SLC25A26: variants seen among roughly 807,000 people sequenced by gnomAD.
The protein encoded by SLC25A26 is solute carrier family 25 member 26.
Under a neutral mutation model 37.8 loss-of-function variants are expected in SLC25A26, and 36 were observed. The observed-to-expected ratio is 0.95, with a 90% CI of 0.73 to 1.26. SLC25A26 has a LOEUF of 1.26. Ranked by LOEUF, SLC25A26 falls within the 50% of genes most tolerant of loss-of-function variation. The probability of loss-of-function intolerance (pLI) is 0.00; values close to 1 mark genes in which losing one functional copy is unlikely to be tolerated. For missense variants in SLC25A26, 390 were observed against 331.1 expected, an observed-to-expected ratio of 1.18 and a Z score of -1.38; for synonymous variants, 129 against 122.5, an observed-to-expected ratio of 1.05 and a Z score of -0.35.
At chr3:66,253,969 A>T (rs929766808) in intron 3 of SLC25A26, among the ~76,000 whole-genome samples, 9 of 152,216 alleles carry the variant, frequency 5.9e-5, no homozygotes, top group South Asian at 2.1e-4. Flanking sequence ...AAGTGTTGAT[A>T]GAGTTATTTT....
chr3:66,290,080 A>G (rs988849323), intron 5 of SLC25A26, among the ~76,000 whole-genome samples: 3 of 152,136 alleles, frequency 2.0e-5, no homozygotes, highest in African/African-American at 4.8e-5. Flanking sequence ...CTTTATAGCA[A>G]TTGTGAATGG....
At position 66,230,573 on chromosome 3, in the gene SLC25A26, G is replaced by A. The variant is rs566187307; in HGVS notation, c.34-5971G>A. Among the ~76,000 whole-genome samples, 3 of 152,110 alleles carry A rather than the reference G, an allele frequency of 2.0e-5. No individual in the cohort carries two copies. The South Asian group carries it at 6.2e-4, about 32-fold the overall frequency. ...AATCCCAGCACTTTGGGAGGCTGAG[G>A]TGGGCGGATCACCTGAGGTTTGGAG... On this transcript the variant is annotated intron_variant, in intron 1 of 9. Transcript: ENST00000354883.
chr3:66,291,519 G>T (rs902069417), intron 5 of SLC25A26, among the ~76,000 whole-genome samples: 6 of 152,152 alleles, frequency 3.9e-5, no homozygotes, highest in Non-Finnish European at 7.3e-5. Flanking sequence ...GCTTTCATCA[G>T]TTTCAAAGAA....
intron 3 of SLC25A26, among the ~76,000 whole-genome samples, chr3:66,250,725 G>A (rs2073050647): frequency 6.6e-6 from 1 of 152,114 alleles, no homozygotes; most frequent in Non-Finnish European, 1.5e-5. Flanking sequence ...AGAGACTGAA[G>A]GGAAGGAGGG....
chr3:66,370,041 A>T (rs1700262681), intron 8 of SLC25A26, among the ~76,000 whole-genome samples: 1 of 152,258 alleles, frequency 6.6e-6, no homozygotes, highest in Non-Finnish European at 1.5e-5. Flanking sequence ...AAAACAAAAA[A>T]GTCCTATCTT....
At chr3:66,168,647 A>G (rs998573660) in intron 1 of SLC25A26, among the ~76,000 whole-genome samples, 2 of 152,116 alleles carry the variant, frequency 1.3e-5, no homozygotes, top group Admixed American at 1.3e-4. Flanking sequence ...TAATTTAGAG[A>G]TGTTGAAGAT....
chr3:66,290,590 G>C (rs1024473979), intron 5 of SLC25A26, among the ~76,000 whole-genome samples: 11 of 152,126 alleles, frequency 7.2e-5, no homozygotes, highest in African/African-American at 2.7e-4. Flanking sequence ...TTTTTGTCAT[G>C]GTTCTGTTTA....
intron 1 of SLC25A26, among the ~76,000 whole-genome samples, chr3:66,163,670 G>T (rs1475013519): frequency 2.0e-5 from 3 of 152,162 alleles, no homozygotes; most frequent in African/African-American, 7.2e-5. Flanking sequence ...GATTGCTACA[G>T]TGCCCGCCTC....
chr3:66,278,302 CT>C (rs2074224129), intron 5 of SLC25A26, among the ~76,000 whole-genome samples: 2 of 151,998 alleles, frequency 1.3e-5, no homozygotes, highest in African/African-American at 4.8e-5. Flanking sequence ...AATTTAATTT[CT>C]TTTATTGTTA....
intron 6 of SLC25A26, among the ~76,000 whole-genome samples, chr3:66,354,413 C>G (rs941725145): frequency 2.0e-5 from 3 of 152,188 alleles, no homozygotes; most frequent in African/African-American, 2.4e-5. Context: ...TCATAGAAAT[C>G]AGGGACCAAT....
At chr3:66,241,008 A>G (rs1214478192) in intron 2 of SLC25A26, among the ~76,000 whole-genome samples, 2 of 152,056 alleles carry the variant, frequency 1.3e-5, no homozygotes, top group Non-Finnish European at 2.9e-5. Context: ...CGTCCTCCCA[A>G]AGTGCTGGGA....
chr3:66,312,381 G>T (rs1460488085), intron 5 of SLC25A26, among the ~76,000 whole-genome samples: 1 of 152,194 alleles, frequency 6.6e-6, no homozygotes, highest in Admixed American at 6.5e-5. Context: ...TTTGCTGGCA[G>T]CAAGAATTTC....
chr3:66,266,597 T>TTTTTTTA (rs57414222), intron 5 of SLC25A26, among the ~76,000 whole-genome samples: 6 of 148,684 alleles, frequency 4.0e-5, no homozygotes, highest in Admixed American at 2.0e-4. Flanking sequence ...TTTTTTTTTT[T>TTTTTTTA]ACTGCATTTG....
intron 1 of SLC25A26, among the ~76,000 whole-genome samples, chr3:66,227,112 C>A (rs1576662420): frequency 6.6e-6 from 1 of 152,140 alleles, no homozygotes; most frequent in African/African-American, 2.4e-5. Flanking sequence ...TTTGTGCTTT[C>A]AATGTTGTGA....
intron 6 of SLC25A26, among the ~76,000 whole-genome samples, chr3:66,351,254 C>G (rs1176615169): frequency 3.3e-5 from 5 of 152,118 alleles, no homozygotes; most frequent in Admixed American, 2.6e-4. Context: ...TGTTACTGTG[C>G]TACATCATTT....
chr3:66,348,713 A>G (rs537842908), intron 6 of SLC25A26, among the ~76,000 whole-genome samples: 100 of 152,364 alleles, frequency 6.6e-4, no homozygotes, highest in African/African-American at 2.2e-3. Context: ...AGTATCAAGA[A>G]GTATTTCTTA....
At chr3:66,172,678 G>A (rs575466921) in intron 1 of SLC25A26, among the ~76,000 whole-genome samples, 1 of 152,230 alleles carries the variant, frequency 6.6e-6, no homozygotes, top group African/African-American at 2.4e-5. Context: ...GAAGCTGTGA[G>A]GGATAATCTG....
chr3:66,226,912 T>C (rs1256723826), intron 1 of SLC25A26, among the ~76,000 whole-genome samples: 1 of 152,152 alleles, frequency 6.6e-6, no homozygotes, highest in Non-Finnish European at 1.5e-5. Context: ...AAAGCTGATG[T>C]TTATTTAGTA....
intron 5 of SLC25A26, among the ~76,000 whole-genome samples, chr3:66,302,755 G>GAA (rs1376870117): frequency 6.6e-6 from 1 of 152,196 alleles, no homozygotes; most frequent in Non-Finnish European, 1.5e-5. Context: ...ACAACTTGGT[G>GAA]AAAAGGTTAG....
Sources: gnomAD v4.1 joint callset for allele counts (sites outside exome capture counted in the v4.1 genomes callset) on GRCh38, gnomAD v4.1.1 for gene constraint, MANE v1.5 for transcripts, NCBI Gene and HGNC (gene_info 2026-07-23, HGNC 2026-07-21) for gene names.